The following ITGA9 variants were observed in gnomAD, a reference collection of about 807,000 sequenced individuals.
ITGA9 encodes integrin alpha-9.
In ITGA9, 56 loss-of-function variants were observed where a neutral mutation model predicts 127.8. The ratio of observed to expected loss-of-function variants is 0.44; its 90% confidence interval spans 0.35 to 0.55. ITGA9 has a LOEUF of 0.55. ITGA9 is among the 20% of genes least tolerant of loss of function. ITGA9 has a pLI of 0.00. For synonymous variants in ITGA9, 508 were observed against 514.5 expected, an observed-to-expected ratio of 0.99 and a Z score of 0.17; for missense variants, 1,196 against 1,347.1, an observed-to-expected ratio of 0.89 and a Z score of 1.76.
intron 15 of ITGA9, among the ~76,000 whole-genome samples, chr3:37,622,217 A>G (rs1575170666): frequency 2.7e-5 from 4 of 147,734 alleles, no homozygotes; most frequent in South Asian, 2.1e-4. Context: ...CCTCCCAAGC[A>G]GCTGGGACTA....
Position 37,542,487 on chromosome 3 carries a change from T to C in ITGA9, c.1591T>C (p.Tyr531His), listed in dbSNP as rs755061566. Reference sequence around the variant, plus strand: ...GGAGAAGGGCCAGATGCCCAGGGTCTACTTTGTGCTGCTGGGAGAGACCAT... The same window carrying C: ...GGAGAAGGGCCAGATGCCCAGGGTCCACTTTGTGCTGCTGGGAGAGACCAT... Reference protein sequence around the residue: ...KKEKGQMPRVYFVLLGETMGQ... With the variant: ...KKEKGQMPRVHFVLLGETMGQ... Residue 531 changes from tyrosine to histidine, a missense_variant, in exon 15 of 28, where the codon TAC becomes CAC. Tyr to His is a moderately conservative substitution (Grantham distance 83). Transcript: ENST00000264741. 20 of 1,614,040 alleles carry C rather than the reference T, an allele frequency of 1.2e-5. No homozygotes were observed. Among genetic ancestry groups the C allele is most frequent in the Middle Eastern group, 1.7e-4 (1 of 6,044 alleles).
At position 37,471,091 on chromosome 3, in the gene ITGA9, C is replaced by A; in HGVS notation, c.270C>A (p.His90Gln). 1 of 1,614,108 alleles carries A rather than the reference C, an allele frequency of 6.2e-7. No individual in the cohort carries two copies. Among genetic ancestry groups the A allele is most frequent in the South Asian group, 1.1e-5 (1 of 91,076 alleles). ...GGGCTGTGTTTAAGTGCCGTGTTCA[C>A]ACCAACCCTGACCGGAGATGCACCG... ...SPGAVFKCRVHTNPDRRCTEL... is the reference protein window; with the variant it reads ...SPGAVFKCRVQTNPDRRCTEL... Residue 90 changes from histidine (H) to glutamine (Q), a missense_variant, in exon 2 of 28, where the codon CAC becomes CAA. Coordinates refer to ENST00000264741, the MANE Select transcript of ITGA9 (RefSeq NM_002207.3).
intron 22 of ITGA9, among the ~76,000 whole-genome samples, chr3:37,747,089 T>C (rs1282672806): frequency 5.9e-5 from 9 of 152,244 alleles, no homozygotes; most frequent in African/African-American, 1.9e-4. Flanking sequence ...ACAAAACTTA[T>C]ATATTTTATA....
intron 16 of ITGA9, among the ~76,000 whole-genome samples, chr3:37,642,768 A>G (rs1198263880): frequency 2.6e-5 from 4 of 152,210 alleles, no homozygotes; most frequent in South Asian, 4.1e-4. Flanking sequence ...GTAATTTTTA[A>G]CTATGTTGAA....
intron 15 of ITGA9, among the ~76,000 whole-genome samples, chr3:37,607,926 A>G (rs1451073595): frequency 6.6e-6 from 1 of 152,196 alleles, no homozygotes; most frequent in African/African-American, 2.4e-5. Context: ...ATTTGGGGGT[A>G]ACTCCGTCTT....
At chr3:37,757,161 A>G (rs896863687) in intron 23 of ITGA9, among the ~76,000 whole-genome samples, 8 of 151,922 alleles carry the variant, frequency 5.3e-5, no homozygotes, top group Non-Finnish European at 1.0e-4. Flanking sequence ...AGGTATTATT[A>G]AAGACAAAGC....
intron 18 of ITGA9, among the ~76,000 whole-genome samples, chr3:37,693,288 C>G (rs182287087): frequency 6.6e-6 from 1 of 152,038 alleles, no homozygotes; most frequent in Admixed American, 6.5e-5. Flanking sequence ...TGATGATGTT[C>G]GAAGGGAAGC....
intron 15 of ITGA9, among the ~76,000 whole-genome samples, chr3:37,552,508 T>G (rs1039094904): frequency 7.2e-5 from 11 of 152,108 alleles, no homozygotes; most frequent in Non-Finnish European, 1.6e-4. Flanking sequence ...AAGGGGAATA[T>G]TTTTAGACTC....
At chr3:37,719,047 G>A (rs144122609) in intron 18 of ITGA9, among the ~76,000 whole-genome samples, 46 of 152,290 alleles carry the variant, frequency 3.0e-4, no homozygotes, top group African/African-American at 1.1e-3. Flanking sequence ...AACCTTTGAA[G>A]GCTTTTTAGC....
intron 15 of ITGA9, among the ~76,000 whole-genome samples, chr3:37,559,617 G>A (rs562452463): frequency 6.6e-6 from 1 of 152,296 alleles, no homozygotes; most frequent in African/African-American, 2.4e-5. Flanking sequence ...TGGAGGCTCA[G>A]ATACACTCTG....
rs1345119363 is a variant in ITGA9, at chr3:37,819,223, G to A, written c.*234G>A. On this transcript the variant is annotated 3_prime_UTR_variant, in exon 28 of 28. Transcript: ENST00000264741. The stretch of plus-strand genomic sequence containing the variant: ...ATGAACTCTGAACTTTGGAGAGTGA[G>A]CTACAGAGCCGAGCAATATTTATGG... 1.7e-6 allele frequency: 1 copy of A among 585,564 alleles called. No individual in the cohort carries two copies. Among genetic ancestry groups the A allele is most frequent in the African/African-American group, 1.9e-5 (1 of 53,492 alleles). 36.3% of individuals were successfully genotyped at this position (585,564 alleles called of 1,614,324 possible). A position where few individuals can be genotyped will look rare whatever the true frequency, so the allele number is the denominator to read the frequency against.
intron 17 of ITGA9, among the ~76,000 whole-genome samples, chr3:37,678,848 A>C (rs1700707351): frequency 6.6e-6 from 1 of 152,238 alleles, no homozygotes. Flanking sequence ...CCTAATGTAC[A>C]GTGATGAATG....
Position 37,526,017 on chromosome 3 carries a change from C to A in ITGA9, c.1328-9C>A, listed in dbSNP as rs765502110. ...AAGTTTCTGAACGCTGTAAACTTCT[C>A]ATTTTCAGATGTCACTGTTGGAGCC... On this transcript the variant is annotated splice_polypyrimidine_tract_variant and intron_variant, in intron 12 of 27. Transcript: ENST00000264741. 1 of 1,613,452 alleles carries A rather than the reference C, an allele frequency of 6.2e-7. No homozygotes were observed. Among genetic ancestry groups the A allele is most frequent in the East Asian group, 2.2e-5 (1 of 44,890 alleles).
intron 3 of ITGA9, among the ~76,000 whole-genome samples, chr3:37,475,847 T>C (rs937041468): frequency 6.6e-6 from 1 of 152,256 alleles, no homozygotes; most frequent in East Asian, 1.9e-4. Context: ...TTACATCCAT[T>C]GAACAACACT....
intron 18 of ITGA9, among the ~76,000 whole-genome samples, chr3:37,696,521 A>T (rs1700886999): frequency 6.6e-6 from 1 of 152,230 alleles, no homozygotes; most frequent in Non-Finnish European, 1.5e-5. Flanking sequence ...AGGTCAATCC[A>T]TGCAATAAAG....
chr3:37,517,453 T>G (rs1698994747), intron 9 of ITGA9, 51 bp from the exon 10 acceptor site: 1 of 1,312,456 alleles, frequency 7.6e-7, no homozygotes, highest in African/African-American at 1.5e-5. Context: ...TATTGTTTGT[T>G]CTGTTTGTTT....
At chr3:37,549,142 T>C (rs1416479359) in intron 15 of ITGA9, among the ~76,000 whole-genome samples, 3 of 152,192 alleles carry the variant, frequency 2.0e-5, no homozygotes, top group Non-Finnish European at 4.4e-5. Context: ...ATGTTGTGCA[T>C]AGCTGGAGAA....
chr3:37,468,049 T>A (rs1698390237), intron 1 of ITGA9, among the ~76,000 whole-genome samples: 1 of 152,136 alleles, frequency 6.6e-6, no homozygotes, highest in South Asian at 2.1e-4. Context: ...CAAACTGCTC[T>A]TGTGTGGGTG....
intron 15 of ITGA9, among the ~76,000 whole-genome samples, chr3:37,614,017 T>A (rs999380612): frequency 2.8e-4 from 42 of 152,352 alleles, no homozygotes; most frequent in East Asian, 2.7e-3. Context: ...GCTTTTGGTG[T>A]TTTAGACATG....
Sources: gnomAD v4.1 joint callset for allele counts (sites outside exome capture counted in the v4.1 genomes callset) on GRCh38, gnomAD v4.1.1 for gene constraint, MANE v1.5 for transcripts, NCBI Gene and HGNC (gene_info 2026-07-23, HGNC 2026-07-21) for gene names.